UBTD2: variants seen among roughly 807,000 people sequenced by gnomAD.
The protein encoded by UBTD2 is ubiquitin domain containing 2.
UBTD2 carries 9 observed loss-of-function variants against 19.8 expected under a neutral mutation model. The ratio of observed to expected loss-of-function variants is 0.46; its 90% CI spans 0.27 to 0.79. UBTD2 has a LOEUF of 0.79. UBTD2 is among the 30% of genes least tolerant of loss of function. UBTD2 has a pLI of 0.14. For missense variants in UBTD2, 250 were observed against 300.4 expected, an observed-to-expected ratio of 0.83 and a Z score of 1.24; for synonymous variants, 98 against 103.9, an observed-to-expected ratio of 0.94 and a Z score of 0.35.
chr5:172,266,483 C>T (rs529811016), intron 1 of UBTD2, among the ~76,000 whole-genome samples: 1 of 152,324 alleles, frequency 6.6e-6, no homozygotes, highest in South Asian at 2.1e-4. Flanking sequence ...CACAGCCAAA[C>T]TGTCAAACAC....
At chr5:172,229,229 G>A (rs1303590342) in intron 2 of UBTD2, among the ~76,000 whole-genome samples, 11 of 151,664 alleles carry the variant, frequency 7.3e-5, no homozygotes, top group Admixed American at 2.6e-4. Context: ...GGCCGGGCGC[G>A]GTGGCTCACG....
At chr5:172,234,838 G>T (rs1231500949) in intron 1 of UBTD2, among the ~76,000 whole-genome samples, 1 of 124,410 alleles carries the variant, frequency 8.0e-6, no homozygotes, top group African/African-American at 3.1e-5. Flanking sequence ...AGCCTGGGAG[G>T]TTGTGTTTGC....
At chr5:172,227,632 C>A (rs1771796465) in intron 2 of UBTD2, among the ~76,000 whole-genome samples, 1 of 151,548 alleles carries the variant, frequency 6.6e-6, no homozygotes, top group Non-Finnish European at 1.5e-5. Flanking sequence ...ATCTGCCTGC[C>A]TTGGCCTCCC....
chr5:172,220,229 A>G (rs1370614003), intron 2 of UBTD2, among the ~76,000 whole-genome samples: 1 of 152,236 alleles, frequency 6.6e-6, no homozygotes, highest in Non-Finnish European at 1.5e-5. Context: ...AAGAAGAAAA[A>G]TCACATGATC....
rs547520398 is a variant in UBTD2, at chr5:172,277,226, G to A, written c.70+6370C>T. 5.3e-5 allele frequency among the ~76,000 whole-genome samples: 8 copies of A among 151,990 alleles called. No homozygotes were observed. The South Asian group carries it at 1.5e-3, about 28-fold the overall frequency. On this transcript the variant is annotated intron_variant, in intron 1 of 2. Transcript: ENST00000393792. ...TTTCACTGCTAATAACCTTTCATCA[G>A]ATCAGACAGAGGAAATAAAAGTTTT...
upstream of UBTD2, chr5:172,284,098 G>C (rs984511267): frequency 6.6e-6 from 1 of 150,620 alleles, no homozygotes; most frequent in Non-Finnish European, 1.5e-5. Flanking sequence ...GCCTGGGCTC[G>C]GCCCGGCCCG....
intron 1 of UBTD2, among the ~76,000 whole-genome samples, chr5:172,268,784 A>AGTT (rs1456664055): frequency 6.6e-6 from 1 of 152,154 alleles, no homozygotes; most frequent in Non-Finnish European, 1.5e-5. Flanking sequence ...GAGGAGGAGG[A>AGTT]GTTCTGGATT....
intron 1 of UBTD2, among the ~76,000 whole-genome samples, chr5:172,277,806 T>C (rs1255513551): frequency 6.7e-6 from 1 of 149,012 alleles, no homozygotes; most frequent in African/African-American, 2.5e-5. Flanking sequence ...ATATCATATA[T>C]TTGATAAGGG....
intron 1 of UBTD2, among the ~76,000 whole-genome samples, chr5:172,257,628 T>G (rs77900573): frequency 0.011 from 1,654 of 152,344 alleles, 37 homozygotes; most frequent in African/African-American, 0.038. Context: ...CACAACCTCA[T>G]CACATCTGTT....
At chr5:172,223,831 ATTAG>A (rs1169865993) in intron 2 of UBTD2, among the ~76,000 whole-genome samples, 19 of 152,280 alleles carry the variant, frequency 1.2e-4, no homozygotes, top group Non-Finnish European at 2.4e-4. Flanking sequence ...TGGTTCTCAG[ATTAG>A]TTAATGAGAA....
At chr5:172,254,524 T>G in intron 1 of UBTD2, 1 of 580,374 alleles carries the variant, frequency 1.7e-6, no homozygotes, top group Non-Finnish European at 3.1e-6. Context: ...AACGTCCATG[T>G]GCATCCTTCC....
intron 1 of UBTD2, among the ~76,000 whole-genome samples, chr5:172,243,664 G>A (rs977502159): frequency 2.0e-5 from 3 of 146,960 alleles, no homozygotes; most frequent in Non-Finnish European, 4.4e-5. Flanking sequence ...CAGGGTTCAA[G>A]TGATTCTCCT....
chr5:172,273,005 A>T (rs1755527677), intron 1 of UBTD2, among the ~76,000 whole-genome samples: 1 of 151,224 alleles, frequency 6.6e-6, no homozygotes, highest in Non-Finnish European at 1.5e-5. Context: ...TGAACCCAGG[A>T]GACAGAGGTT....
At chr5:172,243,559 T>TTTTC (rs1425862728) in intron 1 of UBTD2, among the ~76,000 whole-genome samples, 2 of 146,798 alleles carry the variant, frequency 1.4e-5, no homozygotes, top group Non-Finnish European at 3.0e-5. Flanking sequence ...GAAACCTTTT[T>TTTTC]TTTTTTTTTT....
chr5:172,253,085 A>T (rs1755061746), intron 1 of UBTD2, among the ~76,000 whole-genome samples: 1 of 152,138 alleles, frequency 6.6e-6, no homozygotes, highest in Non-Finnish European at 1.5e-5. Context: ...GCTGGAGTGT[A>T]GTGGCACCAC....
chr5:172,278,826 G>C (rs1024429702), intron 1 of UBTD2, among the ~76,000 whole-genome samples: 1 of 152,096 alleles, frequency 6.6e-6, no homozygotes, highest in Non-Finnish European at 1.5e-5. Flanking sequence ...CCAGGCTGGA[G>C]TGCAATGGCG....
chr5:172,256,078 A>G (rs967871393), intron 1 of UBTD2, among the ~76,000 whole-genome samples: 1 of 152,130 alleles, frequency 6.6e-6, no homozygotes, highest in Non-Finnish European at 1.5e-5. Context: ...AATAAAAGCC[A>G]AACTCTGTCT....
intron 1 of UBTD2, among the ~76,000 whole-genome samples, chr5:172,257,594 T>C (rs1389523742): frequency 6.6e-6 from 1 of 152,250 alleles, no homozygotes; most frequent in Non-Finnish European, 1.5e-5. Context: ...TAATATACCA[T>C]TCCCATCAGC....
intron 2 of UBTD2, among the ~76,000 whole-genome samples, chr5:172,212,655 G>C (rs971652568): frequency 2.0e-5 from 3 of 152,132 alleles, no homozygotes; most frequent in Admixed American, 2.0e-4. Context: ...TTCCAGAGCA[G>C]TTTTCTTTTA....
Sources: allele counts gnomAD v4.1 joint callset (sites outside exome capture counted in the v4.1 genomes callset), GRCh38; gene constraint gnomAD v4.1.1; transcripts MANE v1.5; gene names NCBI Gene and HGNC (gene_info 2026-07-23, HGNC 2026-07-21).